MBD5: variants seen among roughly 807,000 people sequenced by gnomAD.
MBD5 encodes methyl-CpG binding domain protein 5, also known as methyl-CpG-binding domain protein 5.
Under a neutral mutation model 117.3 loss-of-function variants are expected in MBD5, and 13 were observed. That is an observed-to-expected ratio of 0.11 (90% CI 0.07 to 0.18). The LOEUF (loss-of-function observed/expected upper bound fraction) is 0.18, where lower values mean the gene tolerates loss of function less well. MBD5 is among the 10% of genes least tolerant of loss of function. The probability of loss-of-function intolerance (pLI) is 1.00; values close to 1 mark genes in which losing one functional copy is unlikely to be tolerated. For missense variants in MBD5, 1,879 were observed against 2,093.8 expected, an observed-to-expected ratio of 0.90 and a Z score of 2.00; for synonymous variants, 727 against 766.4, an observed-to-expected ratio of 0.95 and a Z score of 0.85.
intron 1 of MBD5, among the ~76,000 whole-genome samples, chr2:148,117,678 G>A (rs1696674601): frequency 6.6e-6 from 1 of 152,134 alleles, no homozygotes; most frequent in Non-Finnish European, 1.5e-5. Context: ...CAAGACAGCT[G>A]CCATCTCCAT....
At chr2:148,348,402 A>C (rs1228943604) in intron 4 of MBD5, among the ~76,000 whole-genome samples, 1 of 151,970 alleles carries the variant, frequency 6.6e-6, no homozygotes, top group Non-Finnish European at 1.5e-5. Context: ...TATACATTTC[A>C]ACTCACTTTA....
At chr2:148,258,894 C>T (rs1486308338) in intron 3 of MBD5, among the ~76,000 whole-genome samples, 1 of 152,156 alleles carries the variant, frequency 6.6e-6, no homozygotes, top group Non-Finnish European at 1.5e-5. Flanking sequence ...TGGCCTTCTG[C>T]TTCCCTGAGA....
At chr2:148,426,228 A>T (rs1411689891) in intron 4 of MBD5, among the ~76,000 whole-genome samples, 1 of 152,246 alleles carries the variant, frequency 6.6e-6, no homozygotes, top group Non-Finnish European at 1.5e-5. Flanking sequence ...CATACTGCCC[A>T]AGGTAATTTA....
rs1406317818 is a variant in MBD5, at chr2:148,516,772, C to T, written c.*3831C>T. 2 of 152,202 alleles carry T rather than the reference C, an allele frequency of 1.3e-5. No individual in the cohort carries two copies. The highest frequency in any genetic ancestry group is 2.9e-5 in the Non-Finnish European group (2 of 68,026). 9.4% of individuals were successfully genotyped at this position (152,202 alleles called of 1,614,324 possible). The stretch of plus-strand genomic sequence containing the variant: ...TGTAAATATGTATTACCAGCCTTAT[C>T]TGCATTTATACACACTGTGTGTGTA... On this transcript the variant is annotated 3_prime_UTR_variant, in exon 14 of 14. Transcript: ENST00000642680.
intron 1 of MBD5, among the ~76,000 whole-genome samples, chr2:148,155,607 A>G (rs1697853911): frequency 6.6e-6 from 1 of 151,944 alleles, no homozygotes; most frequent in African/African-American, 2.4e-5. Context: ...TTTTGCCTTC[A>G]TTTGGGCTTT....
intron 7 of MBD5, among the ~76,000 whole-genome samples, chr2:148,465,398 G>T (rs1022804625): frequency 1.3e-5 from 2 of 152,088 alleles, no homozygotes; most frequent in Non-Finnish European, 1.5e-5. Context: ...GAATATGAAT[G>T]CTCTCTAAAA....
intron 1 of MBD5, among the ~76,000 whole-genome samples, chr2:148,171,719 C>A (rs75950580): frequency 1.3e-5 from 2 of 152,014 alleles, no homozygotes; most frequent in Admixed American, 1.3e-4. Context: ...TATAAAAAAC[C>A]CTACAGATTC....
At chr2:148,344,271 T>G (rs113565958) in intron 4 of MBD5, among the ~76,000 whole-genome samples, 17,717 of 152,074 alleles carry the variant, frequency 0.12, 1,350 homozygotes, top group Non-Finnish European at 0.18. Flanking sequence ...TTGTTCTTTT[T>G]GCTTTGGATT....
intron 1 of MBD5, among the ~76,000 whole-genome samples, chr2:148,111,100 A>G (rs997480422): frequency 2.0e-5 from 3 of 152,218 alleles, no homozygotes; most frequent in Admixed American, 6.5e-5. Flanking sequence ...CTGAGGAGAC[A>G]TGTCCAAAGG....
intron 3 of MBD5, among the ~76,000 whole-genome samples, chr2:148,321,625 G>A (rs997153827): frequency 6.6e-6 from 1 of 152,100 alleles, no homozygotes; most frequent in African/African-American, 2.4e-5. Context: ...ACAAAAGCCT[G>A]GAATTCTGAA....
intron 3 of MBD5, among the ~76,000 whole-genome samples, chr2:148,246,789 T>C (rs1246283288): frequency 8.2e-6 from 1 of 122,612 alleles, no homozygotes; most frequent in South Asian, 2.6e-4. Flanking sequence ...AAAAAAAAAT[T>C]GTTTGCTACT....
intron 1 of MBD5, among the ~76,000 whole-genome samples, chr2:148,033,594 A>G (rs535383079): frequency 7.9e-5 from 12 of 152,342 alleles, no homozygotes; most frequent in Admixed American, 3.9e-4. Context: ...ATTATAAAAA[A>G]TAATTGATTA....
At chr2:148,460,024 A>T (rs1322961110) in intron 5 of MBD5, among the ~76,000 whole-genome samples, 1 of 152,180 alleles carries the variant, frequency 6.6e-6, no homozygotes, top group East Asian at 1.9e-4. Flanking sequence ...ACTTCTTCAG[A>T]GTTTCTATTG....
intron 4 of MBD5, among the ~76,000 whole-genome samples, chr2:148,443,517 G>T (rs1706394767): frequency 2.0e-5 from 3 of 151,300 alleles, no homozygotes; most frequent in Admixed American, 2.0e-4. Context: ...AATGGATAAA[G>T]AAAATGTAGT....
chr2:148,290,109 C>G (rs753165703), intron 3 of MBD5, among the ~76,000 whole-genome samples: 1 of 149,918 alleles, frequency 6.7e-6, no homozygotes, highest in Non-Finnish European at 1.5e-5. Context: ...GTGCCCACCA[C>G]CACGCCCAGC....
chr2:148,468,812 C>G lies in MBD5; in HGVS notation c.869C>G (p.Ala290Gly), dbSNP rs1559085941. 1.9e-6 allele frequency: 3 copies of G among 1,613,912 alleles called. No individual in the cohort carries two copies. Among genetic ancestry groups the G allele is most frequent in the Non-Finnish European group, 2.5e-6 (3 of 1,179,858 alleles). ...GGTTCTCCTGTACAGTCATCCTGTG[C>G]AATGGCTGGAAGGACTAATATACCT... ...LHGSPVQSSC[A>G]MAGRTNIPLS... The change falls in exon 8 of 14, where the codon GCA (alanine) becomes GGA (glycine). Residue 290 changes from alanine to glycine, a missense_variant. By Grantham distance (60) the Ala-to-Gly change is moderately conservative. Around this residue, in one of 4 missense-constraint regions of MBD5, gnomAD observed 1,666 missense variants for 1,792.2 expected, o/e 0.93. Coordinates refer to ENST00000642680, the MANE Select transcript of MBD5 (RefSeq NM_001378120.1).
At chr2:148,143,788 T>C (rs149374903) in intron 1 of MBD5, among the ~76,000 whole-genome samples, 2 of 152,324 alleles carry the variant, frequency 1.3e-5, no homozygotes, top group South Asian at 4.1e-4. Flanking sequence ...GAACTCATCC[T>C]TTTTTATGGC....
At chr2:148,332,307 A>G (rs1406153385) in intron 3 of MBD5, among the ~76,000 whole-genome samples, 1 of 152,234 alleles carries the variant, frequency 6.6e-6, no homozygotes, top group Admixed American at 6.5e-5. Flanking sequence ...TAGCTGAACC[A>G]TATCCTGTAT....
At chr2:148,067,960 C>T (rs1695249676) in intron 1 of MBD5, among the ~76,000 whole-genome samples, 1 of 152,144 alleles carries the variant, frequency 6.6e-6, no homozygotes, top group African/African-American at 2.4e-5. Context: ...TAGAAATAAC[C>T]CCTAATTGGT....
Sources: gnomAD v4.1 joint callset for allele counts (sites outside exome capture counted in the v4.1 genomes callset) on GRCh38, gnomAD v4.1.1 for gene constraint, gnomAD v4.1.1 regional missense constraint, MANE v1.5 for transcripts, NCBI Gene and HGNC (gene_info 2026-07-23, HGNC 2026-07-21) for gene names.